COL4A5: variants seen among roughly 807,000 people sequenced by gnomAD.
The protein encoded by COL4A5 is collagen type IV alpha 5 chain.
In COL4A5, 26 loss-of-function variants were observed where a neutral mutation model predicts 130.2. The ratio of observed to expected loss-of-function variants is 0.20; its 90% CI spans 0.15 to 0.28. COL4A5 has a LOEUF of 0.28. COL4A5 is among the 10% of genes least tolerant of loss of function. The pLI is 1.00. For missense variants in COL4A5, 1,131 were observed against 1,344.3 expected (o/e 0.84, Z 2.48); for synonymous variants, 496 against 439.6 (o/e 1.13, Z -1.60).
intron 36 of COL4A5, among the ~76,000 whole-genome samples, chrX:108,629,863 GTGT>G (rs1292250011): frequency 9.1e-6 from 1 of 109,944 alleles, no homozygotes; most frequent in African/African-American, 3.3e-5. Flanking sequence ...CTGTGTCCAA[GTGT>G]TCTCATTGTT....
At chrX:108,479,756 T>C (rs2064870490) in intron 1 of COL4A5, among the ~76,000 whole-genome samples, 1 of 111,908 alleles carries the variant, frequency 8.9e-6, no homozygotes, top group African/African-American at 3.2e-5. Context: ...GCATGACCAC[T>C]TTATGGCTAG....
intron 25 of COL4A5, among the ~76,000 whole-genome samples, chrX:108,599,461 G>A (rs1408466062): frequency 3.6e-5 from 4 of 111,174 alleles, no homozygotes; most frequent in Non-Finnish European, 7.5e-5. Context: ...ATGTTTATGT[G>A]TGTGTGTGTG....
At chrX:108,654,940 G>C (rs1305304552) in intron 36 of COL4A5, among the ~76,000 whole-genome samples, 1 of 112,307 alleles carries the variant, frequency 8.9e-6, no homozygotes. Context: ...TCACTTACTA[G>C]CTCCATCACT....
In COL4A5 at chrX:108,624,306, T is replaced by G; in HGVS notation, c.2988T>G (p.Ser996Arg). Residue 996 changes from serine (S) to arginine (R), a missense_variant, in exon 34 of 53, where the codon AGT becomes AGG. Ser to Arg is a moderately radical substitution (Grantham distance 110). Transcript: ENST00000328300. Reference protein sequence around the residue: ...LPGDPGQPGLSGQPGLPGPPG... With the variant: ...LPGDPGQPGLRGQPGLPGPPG... ...GAGACCCAGGGCAACCTGGACTGAG[T>G]GGACAACCTGGATTACCAGGACCAC... is the stretch of plus-strand genomic sequence containing the variant. 1 of 1,208,895 alleles carries G rather than the reference T, an allele frequency of 8.3e-7. No individual in the cohort carries two copies. Among genetic ancestry groups the G allele is most frequent in the Non-Finnish European group, 1.1e-6 (1 of 893,629 alleles).
At chrX:108,668,052 T>C (rs932140469) in intron 40 of COL4A5, among the ~76,000 whole-genome samples, 1 of 111,833 alleles carries the variant, frequency 8.9e-6, no homozygotes, top group African/African-American at 3.2e-5. Context: ...GATGTATCAT[T>C]GCTCTGTCTT....
At chrX:108,624,092 G>T in intron 33 of COL4A5, 144 bp from the exon 34 acceptor site, 1 of 516,506 alleles carries the variant, frequency 1.9e-6, no homozygotes, top group Non-Finnish European at 3.4e-6. Flanking sequence ...TGTGAGTCCA[G>T]TGCTAATAGC....
At position 108,649,074 on chromosome X, in the gene COL4A5, A is replaced by G. The variant is rs1342576797; in HGVS notation, c.3247-6257A>G. Among the ~76,000 whole-genome samples the G allele has an allele frequency of 6.3e-5, 7 of 111,826 alleles. No individual in the cohort carries two copies. The East Asian group carries it at 2.0e-3, about 31-fold the overall frequency. ...GATACAAGATTAATGTACACAAATC[A>G]GTAGCTCTTCTTTACACCAACAGTG... On this transcript the variant is annotated intron_variant, in intron 36 of 52. Transcript: ENST00000328300.
chrX:108,568,871 T>C, intron 6 of COL4A5, 50 bp downstream of exon 6: 2 of 1,048,999 alleles, frequency 1.9e-6, no homozygotes, highest in Non-Finnish European at 2.7e-6. Flanking sequence ...AATAATTAAC[T>C]TAAAAACCTA....
At chrX:108,582,064 TG>T (rs1355738049) in intron 16 of COL4A5, among the ~76,000 whole-genome samples, 7 of 111,061 alleles carry the variant, frequency 6.3e-5, no homozygotes, top group African/African-American at 2.3e-4. Context: ...TGATGAAATT[TG>T]TAAGTTATTC....
chrX:108,584,591 A>G (rs747326701), intron 18 of COL4A5, 66 bp downstream of exon 18: 154 of 913,005 alleles, frequency 1.7e-4, no homozygotes, highest in Non-Finnish European at 2.3e-4. Flanking sequence ...TTGTGCCTTA[A>G]TCGCATACTC....
intron 29 of COL4A5, among the ~76,000 whole-genome samples, chrX:108,608,075 A>T (rs961370494): frequency 9.0e-6 from 1 of 111,642 alleles, no homozygotes; most frequent in Non-Finnish European, 1.9e-5. Context: ...GTATAATAGT[A>T]AAATAAAGTG....
intron 1 of COL4A5, among the ~76,000 whole-genome samples, chrX:108,501,283 C>CT (rs1390444070): frequency 4.5e-5 from 5 of 111,692 alleles, no homozygotes; most frequent in African/African-American, 1.6e-4. Context: ...AATGCTGCTC[C>CT]TTTTTTACCC....
At chrX:108,604,284 G>T (rs1394896429) in intron 28 of COL4A5, among the ~76,000 whole-genome samples, 4 of 112,118 alleles carry the variant, frequency 3.6e-5, no homozygotes, top group Non-Finnish European at 7.5e-5. Context: ...AATAAGACTT[G>T]AAAATTAAAA....
At chrX:108,492,230 A>G (rs998031467) in intron 1 of COL4A5, among the ~76,000 whole-genome samples, 6 of 111,723 alleles carry the variant, frequency 5.4e-5, no homozygotes, top group African/African-American at 2.0e-4. Context: ...ACATCTGCAA[A>G]GACTGGGAAT....
chrX:108,519,345 T>C (rs1364589131), intron 1 of COL4A5, among the ~76,000 whole-genome samples: 1 of 111,472 alleles, frequency 9.0e-6, no homozygotes, highest in Non-Finnish European at 1.9e-5. Flanking sequence ...TAATATGGCA[T>C]AGTATTATAT....
chrX:108,515,821 A>G (rs1042644715), intron 1 of COL4A5, among the ~76,000 whole-genome samples: 2 of 111,596 alleles, frequency 1.8e-5, no homozygotes, highest in South Asian at 3.8e-4. Context: ...TTGGTATCTG[A>G]TTTTATGTAA....
chrX:108,688,540 A>G (rs916401869), intron 49 of COL4A5, among the ~76,000 whole-genome samples: 1 of 110,555 alleles, frequency 9.0e-6, no homozygotes, highest in Non-Finnish European at 1.9e-5. Context: ...GGTTCAAGCA[A>G]TTCTTCTGCC....
At chrX:108,493,033 T>C (rs2065005861) in intron 1 of COL4A5, among the ~76,000 whole-genome samples, 1 of 111,929 alleles carries the variant, frequency 8.9e-6, no homozygotes. Flanking sequence ...CTGAATATTA[T>C]GTTAAGTACA....
chrX:108,683,452 G>A (rs1038023755), intron 47 of COL4A5, among the ~76,000 whole-genome samples: 95 of 111,273 alleles, frequency 8.5e-4, no homozygotes, highest in African/African-American at 3.0e-3. Context: ...TAGCTTGATG[G>A]GGATAGCATT....
Sources: gnomAD v4.1 joint callset for allele counts (sites outside exome capture counted in the v4.1 genomes callset) on GRCh38, gnomAD v4.1.1 for gene constraint, MANE v1.5 for transcripts, NCBI Gene and HGNC (gene_info 2026-07-23, HGNC 2026-07-21) for gene names.